CHST11: variants seen among roughly 807,000 people sequenced by gnomAD.
CHST11 encodes the protein carbohydrate sulfotransferase 11.
A neutral mutation model predicts 30.4 loss-of-function variants in CHST11; 9 were observed. That is an observed-to-expected ratio of 0.30 (90% CI 0.18 to 0.52). The LOEUF is 0.52. CHST11 is among the 20% of genes least tolerant of loss of function. CHST11 has a pLI of 0.97. For synonymous variants in CHST11, 152 were observed against 187.8 expected, an observed-to-expected ratio of 0.81 and a Z score of 1.56; for missense variants, 348 against 460.6, an observed-to-expected ratio of 0.76 and a Z score of 2.24.
chr12:104,496,807 T>C (rs2037802376), intron 1 of CHST11, among the ~76,000 whole-genome samples: 1 of 152,234 alleles, frequency 6.6e-6, no homozygotes, highest in South Asian at 2.1e-4. Context: ...GTTTGTAGGA[T>C]GTTTTATGTA....
chr12:104,583,721 C>T (rs767641136), intron 1 of CHST11, among the ~76,000 whole-genome samples: 4 of 10,082 alleles, frequency 4.0e-4, no homozygotes, highest in East Asian at 0.036. Context: ...AGATCTCTCT[C>T]TTTTTTTTGA....
At chr12:104,569,983 C>T (rs2038608333) in intron 1 of CHST11, among the ~76,000 whole-genome samples, 1 of 152,166 alleles carries the variant, frequency 6.6e-6, no homozygotes, top group African/African-American at 2.4e-5. Flanking sequence ...TGCAACATTT[C>T]TACATTCTGA....
chr12:104,612,858 G>A (rs1215916767), intron 2 of CHST11, among the ~76,000 whole-genome samples: 1 of 152,198 alleles, frequency 6.6e-6, no homozygotes, highest in African/African-American at 2.4e-5. Context: ...CAAAGGAAGT[G>A]CAAGCAGCAT....
chr12:104,752,253 G>A (rs771742116), intron 2 of CHST11, among the ~76,000 whole-genome samples: 16 of 152,074 alleles, frequency 1.1e-4, no homozygotes, highest in Non-Finnish European at 2.1e-4. Context: ...CTGTCCTCAC[G>A]TGGCATTCTC....
chr12:104,693,019 G>A (rs2039911936), intron 2 of CHST11, among the ~76,000 whole-genome samples: 1 of 152,142 alleles, frequency 6.6e-6, no homozygotes, highest in Non-Finnish European at 1.5e-5. Context: ...GGTGGCTGCA[G>A]GTTGGTTTCT....
At chr12:104,668,475 A>G (rs527687255) in intron 2 of CHST11, among the ~76,000 whole-genome samples, 61 of 152,304 alleles carry the variant, frequency 4.0e-4, no homozygotes, top group African/African-American at 1.4e-3. Context: ...AGGACTTGTG[A>G]GTGCAGCTCC....
At chr12:104,747,175 G>C (rs1277666322) in intron 2 of CHST11, among the ~76,000 whole-genome samples, 1 of 152,214 alleles carries the variant, frequency 6.6e-6, no homozygotes, top group East Asian at 1.9e-4. Context: ...GAGCTGCTAG[G>C]GTTGAGACCC....
intron 1 of CHST11, among the ~76,000 whole-genome samples, chr12:104,588,448 C>T (rs2038826208): frequency 6.6e-6 from 1 of 152,236 alleles, no homozygotes; most frequent in Non-Finnish European, 1.5e-5. Context: ...CTGCTTTCTT[C>T]AGAACTGAGC....
At chr12:104,506,144 C>T (rs560014538) in intron 1 of CHST11, among the ~76,000 whole-genome samples, 3 of 152,298 alleles carry the variant, frequency 2.0e-5, no homozygotes, top group African/African-American at 7.2e-5. Flanking sequence ...CTGATCTGTG[C>T]GTTTCCATTC....
chr12:104,511,946 C>T (rs1301060798), intron 1 of CHST11, among the ~76,000 whole-genome samples: 3 of 152,186 alleles, frequency 2.0e-5, no homozygotes, highest in Non-Finnish European at 4.4e-5. Context: ...ATATAGCCTA[C>T]ACACATCCTC....
At chr12:104,497,586 G>A (rs1474077449) in intron 1 of CHST11, among the ~76,000 whole-genome samples, 2 of 151,946 alleles carry the variant, frequency 1.3e-5, no homozygotes, top group South Asian at 2.1e-4. Flanking sequence ...AAAAAAAAAT[G>A]TTTACATCCT....
chr12:104,543,826 C>T (rs2038308164), intron 1 of CHST11, among the ~76,000 whole-genome samples: 1 of 151,998 alleles, frequency 6.6e-6, no homozygotes, highest in African/African-American at 2.4e-5. Flanking sequence ...TTTTTTGGGG[C>T]ACTGCTAAAG....
chr12:104,549,627 G>A (rs1795871), intron 1 of CHST11, among the ~76,000 whole-genome samples: 72,685 of 151,974 alleles, frequency 0.48, 17,778 homozygotes, highest in East Asian at 0.75. Context: ...GAGGCACCAC[G>A]TGATGCACAG....
At chr12:104,649,442 C>T (rs1360341109) in intron 2 of CHST11, among the ~76,000 whole-genome samples, 1 of 152,046 alleles carries the variant, frequency 6.6e-6, no homozygotes, top group East Asian at 1.9e-4. Context: ...CTCTTTCAGG[C>T]AAGGAAAAAT....
At chr12:104,598,150 A>T (rs187284878) in intron 1 of CHST11, among the ~76,000 whole-genome samples, 1 of 152,324 alleles carries the variant, frequency 6.6e-6, no homozygotes, top group Admixed American at 6.5e-5. Flanking sequence ...TGTAAGATAC[A>T]TGTGAGGTGA....
chr12:104,617,740 G>T (rs1433968228), intron 2 of CHST11, among the ~76,000 whole-genome samples: 1 of 152,170 alleles, frequency 6.6e-6, no homozygotes, highest in African/African-American at 2.4e-5. Flanking sequence ...GCAATTTGGT[G>T]TCAGTTTTCT....
chr12:104,693,880 A>G lies in CHST11; in HGVS notation c.205-63069A>G, dbSNP rs142765121. ...TGGGACCGCTTATATAAAATGAGAT[A>G]CAGTTTACATCAAGGATCTGTCACT... On this transcript the variant is annotated intron_variant, in intron 2 of 2. Transcript: ENST00000303694. Among the ~76,000 whole-genome samples the G allele has an allele frequency of 3.1e-3, 467 of 152,312 alleles. 2 individuals are homozygous for G. The highest frequency in any genetic ancestry group is 0.011 in the African/African-American group (457 of 41,562).
At chr12:104,556,522 T>A (rs999205477) in intron 1 of CHST11, among the ~76,000 whole-genome samples, 7 of 152,216 alleles carry the variant, frequency 4.6e-5, no homozygotes, top group African/African-American at 1.7e-4. Flanking sequence ...AGAAGAATCT[T>A]TCCCATGTCT....
chr12:104,696,602 G>T (rs1315355685), intron 2 of CHST11, among the ~76,000 whole-genome samples: 5 of 151,870 alleles, frequency 3.3e-5, no homozygotes, highest in Non-Finnish European at 7.4e-5. Flanking sequence ...GAAGGCAGAG[G>T]TTGAAGTGAG....
Sources: gnomAD v4.1 joint callset for allele counts (sites outside exome capture counted in the v4.1 genomes callset) on GRCh38, gnomAD v4.1.1 for gene constraint, MANE v1.5 for transcripts, NCBI Gene and HGNC (gene_info 2026-07-23, HGNC 2026-07-21) for gene names.